The following SPON1 variants were observed in gnomAD, a reference collection of about 807,000 sequenced individuals.
The protein encoded by SPON1 is spondin-1.
A neutral mutation model predicts 111.7 loss-of-function variants in SPON1; 52 were observed. The observed-to-expected ratio is 0.47, with a 90% CI of 0.37 to 0.59. The LOEUF (loss-of-function observed/expected upper bound fraction) is 0.59. SPON1 is among the 20% of genes least tolerant of loss of function. The probability of loss-of-function intolerance (pLI) is 0.00; values close to 1 mark genes in which losing one functional copy is unlikely to be tolerated. For missense variants in SPON1, 957 were observed against 1,068.5 expected, an observed-to-expected ratio of 0.90 and a Z score of 1.46; for synonymous variants, 410 against 395.8, an observed-to-expected ratio of 1.04 and a Z score of -0.43.
At chr11:14,041,400 A>G in intron 2 of SPON1, 121 bp from the exon 3 acceptor site, 1 of 1,175,920 alleles carries the variant, frequency 8.5e-7, no homozygotes, top group Non-Finnish European at 1.2e-6. Flanking sequence ...GCCTGGGGAT[A>G]CAGAGTTGCT....
intron 2 of SPON1, among the ~76,000 whole-genome samples, chr11:13,986,386 AT>A (rs1166866835): frequency 1.3e-5 from 2 of 152,202 alleles, no homozygotes; most frequent in African/African-American, 4.8e-5. Context: ...TTGATACATA[AT>A]ATTTAACATA....
intron 6 of SPON1, among the ~76,000 whole-genome samples, chr11:14,162,606 T>C (rs782117404): frequency 6.6e-6 from 1 of 152,206 alleles, no homozygotes; most frequent in African/African-American, 2.4e-5. Flanking sequence ...TCTCACCTAA[T>C]TATACATTAT....
chr11:14,176,766 C>T (rs552225117), intron 6 of SPON1, among the ~76,000 whole-genome samples: 2 of 152,134 alleles, frequency 1.3e-5, no homozygotes, highest in Non-Finnish European at 2.9e-5. Flanking sequence ...GAGAACTAGG[C>T]GACTGCTTGG....
rs566851553 is a variant in SPON1 at position 14,176,413 on chromosome 11, A to G, written c.825+40845A>G. 9.2e-5 allele frequency among the ~76,000 whole-genome samples: 14 copies of G among 152,260 alleles called. No individual in the cohort carries two copies. In the East Asian group the frequency reaches 2.7e-3, roughly 29 times the overall value. ...TCTTCCTACTAGTTAGAAAGAGCCA[A>G]CTGAGACCCCCAGGAGCCGAACAGA... On this transcript the variant is annotated intron_variant, in intron 6 of 15. Coordinates refer to ENST00000576479, the MANE Select transcript of SPON1 (RefSeq NM_006108.4).
rs574437524 is a variant in SPON1 at position 13,974,246 on chromosome 11, C to A, written c.239-8601C>A. ...TATAACTCCATGTTATAAGTTAAAG[C>A]AGAAGCTGACGCGCATTGTGGTTGA... On this transcript the variant is annotated intron_variant, in intron 1 of 15. Coordinates refer to ENST00000576479, the MANE Select transcript of SPON1 (RefSeq NM_006108.4). Among the ~76,000 whole-genome samples the A allele has an allele frequency of 4.1e-3, 621 of 152,302 alleles. 1 individual carries two copies. Among genetic ancestry groups the A allele is most frequent in the Middle Eastern group, 6.8e-3 (2 of 294 alleles).
chr11:13,996,949 T>A (rs1564882208), intron 2 of SPON1, among the ~76,000 whole-genome samples: 1 of 152,180 alleles, frequency 6.6e-6, no homozygotes, highest in Non-Finnish European at 1.5e-5. Context: ...GTGGTTCTAA[T>A]TTTCTTTTCT....
chr11:14,090,796 C>G (rs1195539258), intron 5 of SPON1, among the ~76,000 whole-genome samples: 7 of 148,536 alleles, frequency 4.7e-5, no homozygotes, highest in African/African-American at 1.3e-4. Flanking sequence ...CTGCTGGCTC[C>G]CGCAGCCTGC....
intron 4 of SPON1, among the ~76,000 whole-genome samples, 173 bp downstream of exon 4, chr11:14,075,591 C>T (rs1018240334): frequency 1.3e-5 from 2 of 152,102 alleles, no homozygotes; most frequent in African/African-American, 4.8e-5. Context: ...GTAATTGGAT[C>T]CGCCTTAAGC....
chr11:14,232,901 G>T (rs1460315102), intron 6 of SPON1, among the ~76,000 whole-genome samples: 3 of 152,130 alleles, frequency 2.0e-5, no homozygotes, highest in Non-Finnish European at 2.9e-5. Flanking sequence ...TGGCAGGGGG[G>T]GCAGTAGGGC....
At chr11:14,007,687 G>A (rs1848372864) in intron 2 of SPON1, among the ~76,000 whole-genome samples, 1 of 152,138 alleles carries the variant, frequency 6.6e-6, no homozygotes, top group Non-Finnish European at 1.5e-5. Context: ...CATCACAGGA[G>A]GTGAAGCTCA....
intron 11 of SPON1, among the ~76,000 whole-genome samples, chr11:14,258,725 G>C (rs1475307930): frequency 6.6e-6 from 1 of 152,196 alleles, no homozygotes; most frequent in Admixed American, 6.5e-5. Flanking sequence ...GCACTTTCAC[G>C]ATGGTTTATT....
At position 13,962,957 on chromosome 11, in the gene SPON1, C is replaced by T; in HGVS notation, c.53C>T (p.Ala18Val). The change falls in exon 1 of 16, where the codon GCC becomes GTC. Residue 18 changes from alanine (A) to valine (V), a missense_variant. Physicochemically the swap from Ala to Val is moderately conservative, Grantham distance 64. This residue lies in a region of SPON1 where 262 missense variants were observed against 253.9 expected (regional missense o/e 1.03). Coordinates refer to ENST00000576479, the MANE Select transcript of SPON1 (RefSeq NM_006108.4). ...CTGAGCCGGACTCCGGCACTGCTGG[C>T]CCTGGCGCTGCCCCTGGCCGCGGCG... ...LKLSRTPALL[A>V]LALPLAAALA... is the part of the protein sequence containing the mutation. 6.3e-7 allele frequency: 1 copy of T among 1,588,848 alleles called. No individual in the cohort carries two copies. The highest frequency in any genetic ancestry group is 8.5e-7 in the Non-Finnish European group (1 of 1,169,598).
At chr11:13,985,661 CT>C (rs199825940) in intron 2 of SPON1, among the ~76,000 whole-genome samples, 1 of 151,692 alleles carries the variant, frequency 6.6e-6, no homozygotes, top group African/African-American at 2.4e-5. Flanking sequence ...ATGCATTAGC[CT>C]TTTCTTTTTT....
intron 10 of SPON1, among the ~76,000 whole-genome samples, chr11:14,257,325 T>C (rs1696296156): frequency 6.6e-6 from 1 of 152,222 alleles, no homozygotes; most frequent in Admixed American, 6.5e-5. Flanking sequence ...GCTCTTATTC[T>C]TACCATGACA....
chr11:14,242,409 T>C (rs1301386723), intron 6 of SPON1, among the ~76,000 whole-genome samples: 3 of 152,158 alleles, frequency 2.0e-5, no homozygotes, highest in Non-Finnish European at 2.9e-5. Context: ...TCTGGAGTTT[T>C]CCACACACAA....
At chr11:14,157,358 TTGTC>T (rs1847860371) in intron 6 of SPON1, among the ~76,000 whole-genome samples, 2 of 152,338 alleles carry the variant, frequency 1.3e-5, no homozygotes, top group East Asian at 3.9e-4. Flanking sequence ...AAGGCATCAC[TTGTC>T]TGTCTGTGGC....
Position 14,172,852 on chromosome 11 carries a change from C to T in SPON1, c.825+37284C>T, listed in dbSNP as rs1217425447. Among the ~76,000 whole-genome samples, 8 of 151,886 alleles carry T rather than the reference C, an allele frequency of 5.3e-5. No individual in the cohort carries two copies. In the East Asian group the frequency reaches 9.6e-4, roughly 18 times the overall value. The stretch of plus-strand genomic sequence containing the variant: ...CTCTTCTGGCTTGTAGAGTTTCTGC[C>T]AAGAGATCAGCTGTTAGTCTGATGG... On this transcript the variant is annotated intron_variant, in intron 6 of 15. Transcript: ENST00000576479.
intron 5 of SPON1, among the ~76,000 whole-genome samples, chr11:14,131,779 T>C (rs1847532775): frequency 6.6e-6 from 1 of 152,212 alleles, no homozygotes; most frequent in Non-Finnish European, 1.5e-5. Context: ...TTCTGGCTCC[T>C]GGTCACCATG....
chr11:13,998,904 C>CA (rs1554912132), intron 2 of SPON1, among the ~76,000 whole-genome samples: 1 of 152,022 alleles, frequency 6.6e-6, no homozygotes, highest in African/African-American at 2.4e-5. Flanking sequence ...AACTTTTATG[C>CA]AAAAAAGAAC....
Sources: allele counts gnomAD v4.1 joint callset (sites outside exome capture counted in the v4.1 genomes callset), GRCh38; gene constraint gnomAD v4.1.1; regional missense constraint gnomAD v4.1.1; transcripts MANE v1.5; gene names NCBI Gene and HGNC (gene_info 2026-07-23, HGNC 2026-07-21).